NAV3: variants seen among roughly 807,000 people sequenced by gnomAD.
The protein encoded by NAV3 is neuron navigator 3.
In NAV3, 87 loss-of-function variants were observed where a neutral mutation model predicts 244.7. The ratio of observed to expected loss-of-function variants is 0.36; its 90% CI spans 0.30 to 0.42. The LOEUF (loss-of-function observed/expected upper bound fraction) is 0.42, where lower values mean the gene tolerates loss of function less well. Ranked by LOEUF, NAV3 falls within the 20% of genes least tolerant of loss-of-function variation. The probability of loss-of-function intolerance (pLI) is 1.00; values close to 1 mark genes in which losing one functional copy is unlikely to be tolerated. For synonymous variants in NAV3, 1,126 were observed against 1,042.2 expected (o/e 1.08, Z -1.55); for missense variants, 2,663 against 2,893.3 (o/e 0.92, Z 1.83).
chr12:77,787,160 G>A (rs1261614090), intron 2 of NAV3, among the ~76,000 whole-genome samples: 1 of 151,932 alleles, frequency 6.6e-6, no homozygotes, highest in Non-Finnish European at 1.5e-5. Context: ...TTGCTTAGAT[G>A]TCTAGAGAGT....
intron 1 of NAV3, among the ~76,000 whole-genome samples, chr12:77,857,056 A>G (rs1186505624): frequency 2.0e-5 from 3 of 152,156 alleles, no homozygotes; most frequent in Non-Finnish European, 4.4e-5. Context: ...AAAAAATGAG[A>G]CGCTAGTCAA....
At chr12:77,672,644 G>A (rs1290258928) in intron 2 of NAV3, among the ~76,000 whole-genome samples, 2 of 151,862 alleles carry the variant, frequency 1.3e-5, no homozygotes, top group Non-Finnish European at 2.9e-5. Context: ...GGACACACAA[G>A]CATAAGAATG....
rs141621074 is a variant in NAV3 at position 77,759,180 on chromosome 12, A to G, written c.73-181139A>G. Among the ~76,000 whole-genome samples the G allele has an allele frequency of 4.6e-5, 7 of 152,262 alleles. No homozygotes were observed. In the East Asian group the frequency reaches 1.2e-3, roughly 25 times the overall value. ...TTTTCTATGTTTAATACACAAAACA[A>G]TGTTTCATTGTTTTTAATTTACATT... On this transcript the variant is annotated intron_variant, in intron 2 of 8. Transcript: ENST00000550042.
At chr12:78,199,655 T>C (rs1959425757) in intron 37 of NAV3, 124 bp downstream of exon 37, 1 of 658,848 alleles carries the variant, frequency 1.5e-6, no homozygotes, top group Non-Finnish European at 2.3e-6. Context: ...AAAGATTTAT[T>C]TTTTTCCCTT....
chr12:77,753,723 A>G (rs942922618), intron 2 of NAV3, among the ~76,000 whole-genome samples: 1 of 152,172 alleles, frequency 6.6e-6, no homozygotes, highest in Non-Finnish European at 1.5e-5. Flanking sequence ...TTTTTAAGAA[A>G]TGGCACACAA....
At chr12:78,078,507 T>G (rs1047695572) in intron 12 of NAV3, among the ~76,000 whole-genome samples, 13 of 144,410 alleles carry the variant, frequency 9.0e-5, no homozygotes, top group Admixed American at 1.4e-4. Context: ...GCCATTCTCC[T>G]GCCTCAGCCT....
intron 2 of NAV3, among the ~76,000 whole-genome samples, chr12:77,766,822 C>T (rs185550362): frequency 3.7e-3 from 487 of 131,796 alleles, no homozygotes; most frequent in Non-Finnish European, 5.9e-3. Context: ...GGCGTGATCT[C>T]GGCTCACTGA....
chr12:77,688,512 A>G (rs1392673040), intron 2 of NAV3, among the ~76,000 whole-genome samples: 2 of 152,130 alleles, frequency 1.3e-5, no homozygotes, highest in African/African-American at 4.8e-5. Flanking sequence ...TAGGTGCACA[A>G]TGAATATTTG....
chr12:77,608,755 C>A (rs1198393827), intron 2 of NAV3, among the ~76,000 whole-genome samples: 3 of 152,056 alleles, frequency 2.0e-5, no homozygotes, highest in African/African-American at 4.8e-5. Flanking sequence ...CATCAATCCT[C>A]CCTTTGAAAA....
chr12:77,964,278 G>A (rs991470384), intron 3 of NAV3, among the ~76,000 whole-genome samples: 5 of 152,172 alleles, frequency 3.3e-5, no homozygotes, highest in South Asian at 2.1e-4. Flanking sequence ...TATAATATGA[G>A]TAACTAAACT....
chr12:77,833,732 G>A (rs965612124), intron 1 of NAV3, among the ~76,000 whole-genome samples: 1 of 152,196 alleles, frequency 6.6e-6, no homozygotes, highest in African/African-American at 2.4e-5. Flanking sequence ...TCACATGTGG[G>A]CTTGGAGGAT....
chr12:77,885,705 G>A (rs1223135587), intron 1 of NAV3, among the ~76,000 whole-genome samples: 1 of 152,048 alleles, frequency 6.6e-6, no homozygotes, highest in African/African-American at 2.4e-5. Context: ...CTGTTAAGAT[G>A]CACTTCAATA....
chr12:77,686,106 A>G (rs752835318), intron 2 of NAV3, among the ~76,000 whole-genome samples: 1 of 152,098 alleles, frequency 6.6e-6, no homozygotes, highest in African/African-American at 2.4e-5. Flanking sequence ...CAGAGCCTAG[A>G]TATAGTGATT....
At chr12:78,209,076 T>C (rs1349443194) in intron 39 of NAV3, among the ~76,000 whole-genome samples, 2 of 152,188 alleles carry the variant, frequency 1.3e-5, no homozygotes, top group Non-Finnish European at 2.9e-5. Flanking sequence ...TTTTATTTCA[T>C]AACCTTATGT....
At chr12:77,651,146 T>C (rs1398692414) in intron 2 of NAV3, among the ~76,000 whole-genome samples, 1 of 150,590 alleles carries the variant, frequency 6.6e-6, no homozygotes, top group African/African-American at 2.4e-5. Flanking sequence ...AGGTTAATTA[T>C]AAAAAAAAAA....
At chr12:77,595,652 A>G (rs956866864) in intron 2 of NAV3, among the ~76,000 whole-genome samples, 4 of 152,182 alleles carry the variant, frequency 2.6e-5, no homozygotes, top group African/African-American at 9.6e-5. Flanking sequence ...CCCTAAATAT[A>G]TATAATTTTC....
rs1454907618 is a variant in NAV3, at chr12:78,207,735, A to G, written c.7038+2597A>G. ...GGAATTAAAACTGTGGAAGTATACA[A>G]TTGCTAGATCATGCTAAGCCTTGTT... is the stretch of plus-strand genomic sequence containing the variant. On this transcript the variant is annotated intron_variant, in intron 39 of 39. Coordinates refer to ENST00000397909, the MANE Select transcript of NAV3 (RefSeq NM_001024383.2). Among the ~76,000 whole-genome samples the G allele has an allele frequency of 2.6e-5, 4 of 152,328 alleles. No homozygotes were observed. In the East Asian group the frequency reaches 5.8e-4, roughly 22 times the overall value.
rs951598681 is a variant in NAV3 at position 78,064,418 on chromosome 12, T to C, written c.2636+5303T>C. 4.3e-5 allele frequency among the ~76,000 whole-genome samples: 6 copies of C among 140,104 alleles called. No homozygotes were observed. The South Asian group carries it at 7.3e-4, about 17-fold the overall frequency. The allele number at this position is 140,104 out of a possible 152,430, so 91.9% of individuals were successfully genotyped here. ...CTGTGTCTGTCTGTCTGTCTGTCTG[T>C]CTGTCTGTCTGCCTGCCTGCCTGCC... On this transcript the variant is annotated intron_variant, in intron 12 of 39. Coordinates refer to ENST00000397909, the MANE Select transcript of NAV3 (RefSeq NM_001024383.2).
At chr12:77,773,410 C>T (rs1292291204) in intron 2 of NAV3, among the ~76,000 whole-genome samples, 4 of 152,142 alleles carry the variant, frequency 2.6e-5, no homozygotes, top group Admixed American at 2.6e-4. Context: ...GACTGTTATA[C>T]ATTTTAAGGA....
Sources: gnomAD v4.1 joint callset for allele counts (sites outside exome capture counted in the v4.1 genomes callset) on GRCh38, gnomAD v4.1.1 for gene constraint, MANE v1.5 for transcripts, NCBI Gene and HGNC (gene_info 2026-07-23, HGNC 2026-07-21) for gene names.